FRRS1L: variants seen among roughly 807,000 people sequenced by gnomAD.
FRRS1L encodes the protein ferric chelate reductase 1 like.
A neutral mutation model predicts 28.6 loss-of-function variants in FRRS1L; 22 were observed. The ratio of observed to expected loss-of-function variants is 0.77; its 90% CI spans 0.55 to 1.10. The LOEUF (loss-of-function observed/expected upper bound fraction) is 1.10, where lower values mean the gene tolerates loss of function less well. Among genes scored for constraint, FRRS1L ranks in the 50% least tolerant of loss-of-function variants. FRRS1L has a pLI of 0.00. For missense variants in FRRS1L, 380 were observed against 386.9 expected, an observed-to-expected ratio of 0.98 and a Z score of 0.15; for synonymous variants, 158 against 151.4, an observed-to-expected ratio of 1.04 and a Z score of -0.32.
rs1394047500 is a variant in FRRS1L, at chr9:109,134,453, C to G, written c.*3002G>C. On this transcript the variant is annotated 3_prime_UTR_variant, in exon 5 of 5. Transcript: ENST00000561981. Reference sequence around the variant, plus strand: ...ACCTGATAGGTGAATAGGAGTTCATCAAGCACAAGAGGTGGAGAATATGAA... The same window carrying G: ...ACCTGATAGGTGAATAGGAGTTCATGAAGCACAAGAGGTGGAGAATATGAA... The G allele has an allele frequency of 6.6e-6, 1 of 152,132 alleles. No homozygotes were observed. The allele number at this position is 152,132 out of a possible 1,614,324, so 9.4% of individuals were successfully genotyped here. A position where few individuals can be genotyped will look rare whatever the true frequency, so the allele number is the denominator to read the frequency against.
At position 109,149,621 on chromosome 9, in the gene FRRS1L, T is replaced by C; in HGVS notation, c.323+15A>G. 2.6e-6 allele frequency: 4 copies of C among 1,568,372 alleles called. No homozygotes were observed. Among genetic ancestry groups the C allele is most frequent in the Non-Finnish European group, 3.5e-6 (4 of 1,138,504 alleles). ...GTCTTAGCCTTAAAGTTATCCAACC[T>C]GCAGTTCCACCAACCTAAAGCATCC... On this transcript the variant is annotated intron_variant, in intron 2 of 4. Coordinates refer to ENST00000561981, the MANE Select transcript of FRRS1L (RefSeq NM_014334.4).
chr9:109,147,050 C>A lies in FRRS1L; in HGVS notation c.462+1G>T. On this transcript the variant is annotated splice_donor_variant, in intron 3 of 4. Transcript: ENST00000561981. LOFTEE classifies it high-confidence loss of function. ...AGCTTCTATCATGTTTTGCATCTTACCATTTTCTTGTCTGAAGAGAATCCA... is the reference window on the plus strand; with the variant it reads ...AGCTTCTATCATGTTTTGCATCTTAACATTTTCTTGTCTGAAGAGAATCCA... The A allele has an allele frequency of 1.2e-6, 2 of 1,613,560 alleles. No individual in the cohort carries two copies.
intron 3 of FRRS1L, among the ~76,000 whole-genome samples, chr9:109,145,565 G>T (rs1831247960): frequency 6.6e-6 from 1 of 151,896 alleles, no homozygotes; most frequent in Admixed American, 6.6e-5. Flanking sequence ...GGTGTTTTTT[G>T]TATTACAGGT....
chr9:109,143,105 A>G (rs929621012), intron 3 of FRRS1L, among the ~76,000 whole-genome samples: 1 of 152,172 alleles, frequency 6.6e-6, no homozygotes, highest in Non-Finnish European at 1.5e-5. Flanking sequence ...ACTTGAGGTC[A>G]GGAGTTCAAG....
rs1831061119 is a variant in FRRS1L at position 109,131,910 on chromosome 9, A to C, written c.*5545T>G. On this transcript the variant is annotated 3_prime_UTR_variant, in exon 5 of 5. Transcript: ENST00000561981. The stretch of plus-strand genomic sequence containing the variant: ...TGGTACATAAGGTAGATGCCACATC[A>C]CATGTGTAAAACACTCCCATGGTGC... The C allele has an allele frequency of 6.6e-6, 1 of 151,920 alleles. No individual in the cohort carries two copies. The allele number at this position is 151,920 out of a possible 1,614,324, so 9.4% of individuals were successfully genotyped here. A position where few individuals can be genotyped will look rare whatever the true frequency, so the allele number is the denominator to read the frequency against.
chr9:109,164,598 A>G (rs1311206818), intron 1 of FRRS1L, among the ~76,000 whole-genome samples: 1 of 151,864 alleles, frequency 6.6e-6, no homozygotes, highest in African/African-American at 2.4e-5. Context: ...GGGTTTCACC[A>G]TGTTGGCCAG....
At chr9:109,144,015 C>T (rs902781391) in intron 3 of FRRS1L, among the ~76,000 whole-genome samples, 2 of 152,040 alleles carry the variant, frequency 1.3e-5, no homozygotes, top group Non-Finnish European at 1.5e-5. Flanking sequence ...AATTTGAATG[C>T]TCCTCACTCT....
chr9:109,147,651 A>C (rs1831281382), intron 2 of FRRS1L: 2 of 152,970 alleles, frequency 1.3e-5, no homozygotes, highest in African/African-American at 4.8e-5. Flanking sequence ...TCATATAATC[A>C]AACTAACACA....
Position 109,137,916 on chromosome 9 carries a change from T to C in FRRS1L, c.710-289A>G, listed in dbSNP as rs1014080203. 2.0e-4 allele frequency: 35 copies of C among 179,414 alleles called. 1 individual carries two copies. The highest frequency in any genetic ancestry group is 4.6e-5 in the Non-Finnish European group (4 of 86,204). 11.1% of individuals were successfully genotyped at this position (179,414 alleles called of 1,614,324 possible). Reference sequence around the variant, plus strand: ...TTTCCTGCCATCTCAATTTTAAAACTACTAGTTACATAATTTTGTGTGATT... The same window carrying C: ...TTTCCTGCCATCTCAATTTTAAAACCACTAGTTACATAATTTTGTGTGATT... On this transcript the variant is annotated intron_variant, in intron 4 of 4. Coordinates refer to ENST00000561981, the MANE Select transcript of FRRS1L (RefSeq NM_014334.4).
rs189937851 is a variant in FRRS1L at position 109,144,645 on chromosome 9, G to C, written c.462+2406C>G. Among the ~76,000 whole-genome samples the C allele has an allele frequency of 3.9e-3, 587 of 151,360 alleles. 5 individuals are homozygous for C. Among genetic ancestry groups the C allele is most frequent in the African/African-American group, 0.014 (567 of 41,216 alleles). On this transcript the variant is annotated intron_variant, in intron 3 of 4. Transcript: ENST00000561981. ...CTCCCAAAGTGCTGGGATTATAGGT[G>C]TGAGCCACCATGCCCAGCCAGTTAG...
intron 1 of FRRS1L, chr9:109,151,243 T>C (rs1831326483): frequency 6.6e-6 from 1 of 152,370 alleles, no homozygotes; most frequent in Non-Finnish European, 1.5e-5. Flanking sequence ...CTATATCTGC[T>C]TCAGTACTAG....
chr9:109,163,977 G>A (rs2118516478), intron 1 of FRRS1L, among the ~76,000 whole-genome samples: 1 of 152,232 alleles, frequency 6.6e-6, no homozygotes. Context: ...CCACACCTTG[G>A]TAGGAAACAG....
chr9:109,137,612 T>C lies in FRRS1L; in HGVS notation c.725A>G (p.His242Arg), dbSNP rs770493509. 4.4e-6 allele frequency: 7 copies of C among 1,588,790 alleles called. No individual in the cohort carries two copies. Among genetic ancestry groups the C allele is most frequent in the Non-Finnish European group, 6.0e-6 (7 of 1,165,868 alleles). Residue 242 changes from histidine to arginine, a missense_variant, in exon 5 of 5, where the codon CAT (histidine) becomes CGT (arginine). By Grantham distance (29) the His-to-Arg change is conservative (BLOSUM62 0). Coordinates refer to ENST00000561981, the MANE Select transcript of FRRS1L (RefSeq NM_014334.4). ...TGAAGCCGGCGGTGAGTCTATATCA[T>C]GTCGAGTGATAGAGCCTTTAAGAAA... ...GPAIQGSITR[H>R]DIDSPPASER...
intron 4 of FRRS1L, 63 bp from the exon 5 acceptor site, chr9:109,137,690 G>T: frequency 9.6e-7 from 1 of 1,039,358 alleles, no homozygotes; most frequent in Non-Finnish European, 1.3e-6. Context: ...AATGGTATAG[G>T]CAAACAATGG....
chr9:109,152,338 C>A (rs574242403), intron 1 of FRRS1L: 1 of 151,792 alleles, frequency 6.6e-6, no homozygotes, highest in Non-Finnish European at 1.5e-5. Flanking sequence ...TTTGTAGAGA[C>A]GGGGTTTCAC....
At chr9:109,149,459 G>A (rs1831301924) in intron 2 of FRRS1L, among the ~76,000 whole-genome samples, 177 bp downstream of exon 2, 1 of 152,288 alleles carries the variant, frequency 6.6e-6, no homozygotes, top group African/African-American at 2.4e-5. Context: ...ACATACTAAA[G>A]TTAAAAGGCC....
chr9:109,154,199 T>C (rs1230995938), intron 1 of FRRS1L, among the ~76,000 whole-genome samples: 24 of 152,218 alleles, frequency 1.6e-4, no homozygotes, highest in Admixed American at 1.6e-3. Context: ...TGCGAGGTCC[T>C]GGTCTGGGAC....
At chr9:109,159,063 C>A (rs1166741557) in intron 1 of FRRS1L, among the ~76,000 whole-genome samples, 2 of 152,182 alleles carry the variant, frequency 1.3e-5, no homozygotes, top group Non-Finnish European at 2.9e-5. Flanking sequence ...TCCTTAACAG[C>A]CCATGATGTT....
At chr9:109,148,616 A>G (rs1831292345) in intron 2 of FRRS1L, 1 of 152,224 alleles carries the variant, frequency 6.6e-6, no homozygotes. Flanking sequence ...GGGGACAGAA[A>G]TGTACTACTA....
Sources: gnomAD v4.1 joint callset for allele counts (sites outside exome capture counted in the v4.1 genomes callset) on GRCh38, gnomAD v4.1.1 for gene constraint, MANE v1.5 for transcripts, NCBI Gene and HGNC (gene_info 2026-07-23, HGNC 2026-07-21) for gene names.